Variants in GALNT18 observed in about 807,000 individuals in gnomAD.
The protein encoded by GALNT18 is polypeptide N-acetylgalactosaminyltransferase 18.
GALNT18 carries 44 observed loss-of-function variants against 69.5 expected under a neutral mutation model. The ratio of observed to expected loss-of-function variants is 0.63; its 90% confidence interval spans 0.50 to 0.81. The LOEUF (loss-of-function observed/expected upper bound fraction) is 0.81. Among genes scored for constraint, GALNT18 ranks in the 40% least tolerant of loss-of-function variants. GALNT18 has a pLI of 0.00. For missense variants in GALNT18, 715 were observed against 810.0 expected, an observed-to-expected ratio of 0.88 and a Z score of 1.42; for synonymous variants, 364 against 318.2, an observed-to-expected ratio of 1.14 and a Z score of -1.53.
At chr11:11,482,313 C>T (rs994092166) in intron 1 of GALNT18, among the ~76,000 whole-genome samples, 2 of 152,256 alleles carry the variant, frequency 1.3e-5, no homozygotes, top group African/African-American at 4.8e-5. Context: ...TTTGGCTCTG[C>T]CCTAGAGCTG....
At position 11,469,836 on chromosome 11, in the gene GALNT18, C is replaced by T. The variant is rs991212492; in HGVS notation, c.236-20900G>A. 1.8e-4 allele frequency among the ~76,000 whole-genome samples: 27 copies of T among 152,136 alleles called. No individual in the cohort carries two copies. Among genetic ancestry groups the T allele is most frequent in the African/African-American group, 6.5e-4 (27 of 41,420 alleles). On this transcript the variant is annotated intron_variant, in intron 1 of 10. Transcript: ENST00000227756. The surrounding 1 kb of genome is among the most constrained non-coding windows in gnomAD (Gnocchi z 4.2). ...TTAGACATGGGGCCTTTTCCAAGGA[C>T]CCCCTCAGCCTGTCTTCCACTCAGC...
At chr11:11,457,719 C>A (rs1004449270) in intron 1 of GALNT18, among the ~76,000 whole-genome samples, 1 of 152,304 alleles carries the variant, frequency 6.6e-6, no homozygotes, top group Non-Finnish European at 1.5e-5. Flanking sequence ...TAGGGATGTG[C>A]TCCCAGGAAA....
At chr11:11,441,766 C>G (rs969976835) in intron 2 of GALNT18, among the ~76,000 whole-genome samples, 1 of 152,168 alleles carries the variant, frequency 6.6e-6, no homozygotes, top group African/African-American at 2.4e-5. Flanking sequence ...CCTACCTGCT[C>G]CTGCTGGAGC....
intron 10 of GALNT18, among the ~76,000 whole-genome samples, chr11:11,276,086 G>GA (rs1275973620): frequency 3.9e-5 from 6 of 152,204 alleles, no homozygotes; most frequent in Non-Finnish European, 2.9e-5. Context: ...GTGGTAGCTT[G>GA]ATGGGGATAG....
intron 2 of GALNT18, among the ~76,000 whole-genome samples, chr11:11,446,941 A>C (rs1010722724): frequency 6.6e-6 from 1 of 152,180 alleles, no homozygotes; most frequent in Non-Finnish European, 1.5e-5. Flanking sequence ...GCTGCCCCAG[A>C]AACACTTATC....
chr11:11,462,275 T>C (rs1342435567), intron 1 of GALNT18, among the ~76,000 whole-genome samples: 3 of 114,196 alleles, frequency 2.6e-5, no homozygotes, highest in East Asian at 5.5e-4. Flanking sequence ...AAGTCTTTTC[T>C]TTTTTTTTTT....
At chr11:11,455,028 T>C (rs1281007944) in intron 1 of GALNT18, among the ~76,000 whole-genome samples, 2 of 152,218 alleles carry the variant, frequency 1.3e-5, no homozygotes, top group African/African-American at 4.8e-5. Flanking sequence ...CAGTCATTCC[T>C]GCCCATCCCC....
intron 6 of GALNT18, among the ~76,000 whole-genome samples, chr11:11,359,995 T>C (rs886317372): frequency 4.6e-5 from 7 of 152,142 alleles, no homozygotes; most frequent in Admixed American, 4.6e-4. Context: ...CCAAATAGCA[T>C]ACAATAAATG....
rs770684833 is a variant in GALNT18 at position 11,540,918 on chromosome 11, T to C, written c.235+80441A>G. On this transcript the variant is annotated intron_variant, in intron 1 of 10. Transcript: ENST00000227756. The surrounding 1 kb of genome is among the most constrained non-coding windows in gnomAD (Gnocchi z 4.6). Reference sequence around the variant, plus strand: ...TGGGTTAGAAAATCCTCCCAGCCTATATTAACCCTGTAAACTGCATCCAAA... The same window carrying C: ...TGGGTTAGAAAATCCTCCCAGCCTACATTAACCCTGTAAACTGCATCCAAA... Among the ~76,000 whole-genome samples, 4 of 152,222 alleles carry C rather than the reference T, an allele frequency of 2.6e-5. No individual in the cohort carries two copies. Among genetic ancestry groups the C allele is most frequent in the Non-Finnish European group, 5.9e-5 (4 of 68,040 alleles).
At chr11:11,276,173 G>A (rs541630447) in intron 10 of GALNT18, among the ~76,000 whole-genome samples, 134 of 152,314 alleles carry the variant, frequency 8.8e-4, no homozygotes, top group Non-Finnish European at 8.8e-4. Flanking sequence ...AGCGTGGAAT[G>A]TTTTTCCATT....
At chr11:11,521,990 A>G (rs577813321) in intron 1 of GALNT18, among the ~76,000 whole-genome samples, 5 of 152,196 alleles carry the variant, frequency 3.3e-5, no homozygotes, top group Admixed American at 6.5e-5. Context: ...CCTGAGGCCC[A>G]AGAAAAGGGA....
Position 11,439,327 on chromosome 11 carries a change from G to C in GALNT18, c.429-6540C>G, listed in dbSNP as rs1434189236. 6.6e-6 allele frequency among the ~76,000 whole-genome samples: 1 copy of C among 152,178 alleles called. No individual in the cohort carries two copies. The highest frequency in any genetic ancestry group is 1.5e-5 in the Non-Finnish European group (1 of 68,036). ...CTTGAACCACGCTGCCTCCTCCAGAGCCTGCCTGTGTGGCTTCTCATTGTG... is the reference window on the plus strand; with the variant it reads ...CTTGAACCACGCTGCCTCCTCCAGACCCTGCCTGTGTGGCTTCTCATTGTG... On this transcript the variant is annotated intron_variant, in intron 2 of 10. Coordinates refer to ENST00000227756, the MANE Select transcript of GALNT18 (RefSeq NM_198516.3). This position sits in a 1 kb window ranked among gnomAD's most constrained non-coding sequence, Gnocchi z 4.4.
chr11:11,332,926 T>G lies in GALNT18; in HGVS notation c.1279-95A>C. The G allele has an allele frequency of 7.1e-7, 1 of 1,399,706 alleles. No homozygotes were observed. Among genetic ancestry groups the G allele is most frequent in the Non-Finnish European group, 9.9e-7 (1 of 1,006,686 alleles). The allele number at this position is 1,399,706 out of a possible 1,614,324, so 86.7% of individuals were successfully genotyped here. The stretch of plus-strand genomic sequence containing the variant: ...GCATGACCTTGTGCCCCCAACAAGA[T>G]TCCTAGAGACTGGGGAAGGGACCAT... On this transcript the variant is annotated intron_variant, in intron 7 of 10. Transcript: ENST00000227756. This position sits in a 1 kb window ranked among gnomAD's most constrained non-coding sequence, Gnocchi z 4.3.
intron 3 of GALNT18, among the ~76,000 whole-genome samples, chr11:11,392,986 A>G (rs1854230815): frequency 2.0e-5 from 3 of 152,176 alleles, no homozygotes; most frequent in East Asian, 1.9e-4. Flanking sequence ...CCTTTCTTAG[A>G]ACCTCTGCAT....
chr11:11,364,500 G>A (rs918186087), intron 6 of GALNT18, among the ~76,000 whole-genome samples: 1 of 151,434 alleles, frequency 6.6e-6, no homozygotes, highest in Non-Finnish European at 1.5e-5. Context: ...TCTAGACTGT[G>A]AGAATCTCTG....
At position 11,340,492 on chromosome 11, in the gene GALNT18, C is replaced by G. The variant is rs1180861781; in HGVS notation, c.1278+327G>C. Among the ~76,000 whole-genome samples, 4 of 152,136 alleles carry G rather than the reference C, an allele frequency of 2.6e-5. No homozygotes were observed. Among genetic ancestry groups the G allele is most frequent in the African/African-American group, 9.7e-5 (4 of 41,426 alleles). ...TTTGTAATCCAGGACCATGAAACAT[C>G]TAATGTCAGAGAAGCTGAGGACCTG... On this transcript the variant is annotated intron_variant, in intron 7 of 10. Transcript: ENST00000227756. This position sits in a 1 kb window ranked among gnomAD's most constrained non-coding sequence, Gnocchi z 4.2.
At chr11:11,345,880 C>T (rs181645910) in intron 6 of GALNT18, among the ~76,000 whole-genome samples, 8 of 152,258 alleles carry the variant, frequency 5.3e-5, no homozygotes, top group East Asian at 3.9e-4. Flanking sequence ...TTTACACATA[C>T]GATGGTGAGG....
At chr11:11,286,606 CTT>C in intron 10 of GALNT18, among the ~76,000 whole-genome samples, 1 of 152,078 alleles carries the variant, frequency 6.6e-6, no homozygotes, top group East Asian at 1.9e-4. Context: ...ACAGGGGGGA[CTT>C]TGGTTAAGAT....
chr11:11,290,193 A>G (rs1849272374), intron 10 of GALNT18, among the ~76,000 whole-genome samples: 1 of 152,214 alleles, frequency 6.6e-6, no homozygotes, highest in Non-Finnish European at 1.5e-5. Context: ...GATTGGCCTT[A>G]GAGCCTGTGC....
Sources: gnomAD v4.1 joint callset for allele counts (sites outside exome capture counted in the v4.1 genomes callset) on GRCh38, gnomAD v4.1.1 for gene constraint, Gnocchi (gnomAD v3.1) non-coding constraint, MANE v1.5 for transcripts, NCBI Gene and HGNC (gene_info 2026-07-23, HGNC 2026-07-21) for gene names.